WWOX: variants seen among roughly 807,000 people sequenced by gnomAD.
The protein encoded by WWOX is WW domain containing oxidoreductase.
In WWOX, 69 loss-of-function variants were observed where a neutral mutation model predicts 46.2. The ratio of observed to expected loss-of-function variants is 1.49; its 90% confidence interval spans 1.23 to 1.82. The LOEUF (loss-of-function observed/expected upper bound fraction) is 1.82, where lower values mean the gene tolerates loss of function less well. WWOX is among the 40% of genes most tolerant of loss of function. The pLI is 0.00. For synonymous variants in WWOX, 359 were observed against 202.6 expected, an observed-to-expected ratio of 1.77 and a Z score of -6.56; for missense variants, 919 against 542.6, an observed-to-expected ratio of 1.69 and a Z score of -6.89.
chr16:78,473,849 C>T (rs1474947503), intron 8 of WWOX, among the ~76,000 whole-genome samples: 1 of 152,126 alleles, frequency 6.6e-6, no homozygotes, highest in African/African-American at 2.4e-5. Flanking sequence ...GTGTAGCATG[C>T]CTAGTCCTTG....
At chr16:79,068,899 A>C (rs1320060785) in intron 8 of WWOX, among the ~76,000 whole-genome samples, 28 of 151,752 alleles carry the variant, frequency 1.8e-4, no homozygotes, top group Admixed American at 1.8e-3. Flanking sequence ...ATGAATGCCG[A>C]AAGTGGTTCC....
chr16:78,346,472 G>T lies in WWOX; in HGVS notation c.517-40388G>T, dbSNP rs558996440. On this transcript the variant is annotated intron_variant, in intron 5 of 8. Transcript: ENST00000566780. ...GCTATGTATAACTTTTTAAGAGGTT[G>T]GCAAATACTTCCCTAAAGTGGTCAT... Among the ~76,000 whole-genome samples the T allele has an allele frequency of 3.3e-5, 4 of 119,816 alleles. 1 individual carries two copies. The highest frequency in any genetic ancestry group is 8.1e-5 in the Admixed American group (1 of 12,334). 78.6% of individuals were successfully genotyped at this position (119,816 alleles called of 152,430 possible). A position where few individuals can be genotyped will look rare whatever the true frequency, so the allele number is the denominator to read the frequency against.
At chr16:78,994,969 C>CTTT (rs869088414) in intron 8 of WWOX, among the ~76,000 whole-genome samples, 2,333 of 114,592 alleles carry the variant, frequency 0.02, 93 homozygotes, top group Non-Finnish European at 0.027. Context: ...TCTTCTTCTT[C>CTTT]TTTTTTTTTT....
intron 8 of WWOX, among the ~76,000 whole-genome samples, chr16:78,741,308 C>G (rs567323571): frequency 1.3e-5 from 2 of 152,190 alleles, no homozygotes; most frequent in Non-Finnish European, 2.9e-5. Context: ...CGCCTGTAAT[C>G]CCAGCATTTT....
chr16:78,907,440 C>T (rs1054666562), intron 8 of WWOX, among the ~76,000 whole-genome samples: 1 of 152,204 alleles, frequency 6.6e-6, no homozygotes, highest in Admixed American at 6.5e-5. Context: ...AATTCAGGCT[C>T]CTGTCCTCCT....
At chr16:79,058,741 A>G (rs9319536) in intron 8 of WWOX, among the ~76,000 whole-genome samples, 66,586 of 152,094 alleles carry the variant, frequency 0.44, 15,778 homozygotes, top group Non-Finnish European at 0.53. Context: ...CATCCTGGCA[A>G]TGTTTACGAT....
At chr16:78,278,673 T>C (rs567399107) in intron 5 of WWOX, 101 of 1,602,320 alleles carry the variant, frequency 6.3e-5, no homozygotes, top group South Asian at 6.1e-4. Context: ...AAGGAAAAAA[T>C]AAAAGATCTT....
At chr16:78,833,210 T>G (rs113026223) in intron 8 of WWOX, among the ~76,000 whole-genome samples, 4 of 152,150 alleles carry the variant, frequency 2.6e-5, no homozygotes, top group African/African-American at 9.6e-5. Flanking sequence ...CTTGGTTAAT[T>G]TTGACTATTT....
chr16:79,126,899 G>T (rs1265898580), intron 8 of WWOX, among the ~76,000 whole-genome samples: 1 of 152,144 alleles, frequency 6.6e-6, no homozygotes, highest in African/African-American at 2.4e-5. Context: ...CAGCCTCTGT[G>T]TGTAAGACAG....
chr16:78,817,818 T>A (rs571862558), intron 8 of WWOX, among the ~76,000 whole-genome samples: 1 of 152,284 alleles, frequency 6.6e-6, no homozygotes, highest in East Asian at 1.9e-4. Context: ...GGCAGTCCAG[T>A]CACCCCAGTG....
intron 8 of WWOX, among the ~76,000 whole-genome samples, chr16:79,107,241 C>G (rs929627024): frequency 1.3e-5 from 2 of 151,712 alleles, no homozygotes; most frequent in African/African-American, 4.8e-5. Context: ...GCGCCCAGCC[C>G]AAAATGACTT....
At chr16:78,922,035 C>G (rs1376356210) in intron 8 of WWOX, among the ~76,000 whole-genome samples, 2 of 152,192 alleles carry the variant, frequency 1.3e-5, no homozygotes, top group Admixed American at 6.5e-5. Flanking sequence ...GAATACTTTT[C>G]TACTATCTAT....
chr16:79,042,135 C>A (rs373140613), intron 8 of WWOX, among the ~76,000 whole-genome samples: 1 of 152,190 alleles, frequency 6.6e-6, no homozygotes, highest in Admixed American at 6.5e-5. Context: ...GTTCCCCCGC[C>A]TGTCTCTGAA....
At position 79,211,706 on chromosome 16, in the gene WWOX, A is replaced by ACCAGAAGC; in HGVS notation, c.1156_1163dup (p.Ser390LysfsTer18). 1 of 1,614,166 alleles carries ACCAGAAGC rather than the reference A, an allele frequency of 6.2e-7. No homozygotes were observed. Among genetic ancestry groups the ACCAGAAGC allele is most frequent in the Non-Finnish European group, 8.5e-7 (1 of 1,180,032 alleles). ...ACAACTGCTGCCGCTGCATGCCCTC[A>ACCAGAAGC]CCAGAAGCTCAGAGCGAAGAGACGG... On this transcript the variant is annotated frameshift_variant, in exon 9 of 9. Transcript: ENST00000566780. LOFTEE classifies it high-confidence loss of function.
chr16:78,456,620 AT>A (rs2083822783), intron 8 of WWOX, among the ~76,000 whole-genome samples: 2 of 152,224 alleles, frequency 1.3e-5, no homozygotes, highest in South Asian at 4.1e-4. Flanking sequence ...TTATAAAAAA[AT>A]TTAAAAATTC....
intron 4 of WWOX, among the ~76,000 whole-genome samples, chr16:78,141,576 T>G (rs1364632361): frequency 6.6e-6 from 1 of 151,988 alleles, no homozygotes; most frequent in Non-Finnish European, 1.5e-5. Context: ...TCATAGACAC[T>G]GAATTAAGAA....
At position 78,344,165 on chromosome 16, in the gene WWOX, G is replaced by C. The variant is rs1194156553; in HGVS notation, c.517-42695G>C. ...TTTCACCAGACTGAGCATCATCCTC[G>C]GGCAGGTGCAGGGGAGAATGGCTGG... On this transcript the variant is annotated intron_variant, in intron 5 of 8. Transcript: ENST00000566780. Among the ~76,000 whole-genome samples the C allele has an allele frequency of 3.6e-3, 135 of 37,276 alleles. 27 individuals are homozygous for C. The highest frequency in any genetic ancestry group is 0.012 in the African/African-American group (125 of 10,304). 24.5% of individuals were successfully genotyped at this position (37,276 alleles called of 152,430 possible).
intron 8 of WWOX, among the ~76,000 whole-genome samples, chr16:78,697,338 A>G (rs1425305487): frequency 2.0e-5 from 3 of 152,134 alleles, no homozygotes; most frequent in Non-Finnish European, 2.9e-5. Context: ...TATTTTTTGC[A>G]TTTTTGGTAA....
intron 4 of WWOX, among the ~76,000 whole-genome samples, chr16:78,154,570 T>C (rs2034533792): frequency 6.9e-6 from 1 of 145,822 alleles, no homozygotes; most frequent in African/African-American, 2.6e-5. Flanking sequence ...CCAGTAAAGT[T>C]CTTGGCCCAG....
Sources: allele counts gnomAD v4.1 joint callset (sites outside exome capture counted in the v4.1 genomes callset), GRCh38; gene constraint gnomAD v4.1.1; transcripts MANE v1.5; gene names NCBI Gene and HGNC (gene_info 2026-07-23, HGNC 2026-07-21).